SGCZ: variants seen among roughly 807,000 people sequenced by gnomAD.
The protein encoded by SGCZ is zeta-sarcoglycan.
SGCZ carries 40 observed loss-of-function variants against 41.3 expected under a neutral mutation model. That is an observed-to-expected ratio of 0.97 (90% CI 0.75 to 1.26). SGCZ has a LOEUF of 1.26. Ranked by LOEUF, SGCZ falls within the 50% of genes most tolerant of loss-of-function variation. SGCZ has a pLI of 0.00. For synonymous variants in SGCZ, 206 were observed against 137.5 expected (o/e 1.50, Z -3.49); for missense variants, 552 against 369.8 (o/e 1.49, Z -4.04).
chr8:14,711,998 G>A (rs1049925972), intron 1 of SGCZ, among the ~76,000 whole-genome samples: 2 of 152,118 alleles, frequency 1.3e-5, no homozygotes, highest in Admixed American at 6.5e-5. Flanking sequence ...GCCAGGCGTG[G>A]TGGCTCATGC....
At chr8:14,762,059 G>A (rs1024470348) in intron 1 of SGCZ, among the ~76,000 whole-genome samples, 1 of 152,146 alleles carries the variant, frequency 6.6e-6, no homozygotes, top group Non-Finnish European at 1.5e-5. Flanking sequence ...ATAGCAAATT[G>A]AGACAGATGC....
chr8:14,867,993 T>C (rs183836449), intron 1 of SGCZ, among the ~76,000 whole-genome samples: 6 of 151,916 alleles, frequency 3.9e-5, no homozygotes, highest in Admixed American at 2.6e-4. Context: ...ACATGCAAAA[T>C]TCCACATGAT....
chr8:14,682,692 C>G (rs1475216631), intron 1 of SGCZ, among the ~76,000 whole-genome samples: 2 of 152,140 alleles, frequency 1.3e-5, no homozygotes, highest in Non-Finnish European at 2.9e-5. Flanking sequence ...CCTCGGCCTC[C>G]CAAAGTGCTG....
chr8:14,706,698 C>G (rs982667801), intron 1 of SGCZ, among the ~76,000 whole-genome samples: 2 of 151,960 alleles, frequency 1.3e-5, no homozygotes, highest in Non-Finnish European at 2.9e-5. Context: ...CACACTGATG[C>G]GTTAAAATGA....
At chr8:14,525,633 C>T (rs968338160) in intron 2 of SGCZ, among the ~76,000 whole-genome samples, 8 of 152,066 alleles carry the variant, frequency 5.3e-5, no homozygotes, top group South Asian at 2.1e-4. Context: ...GACCTAGTCA[C>T]ATCAAATAAA....
chr8:14,275,744 A>G lies in SGCZ; in HGVS notation c.337-38065T>C, dbSNP rs191494360. Among the ~76,000 whole-genome samples the G allele has an allele frequency of 9.9e-5, 15 of 152,270 alleles. No homozygotes were observed. The East Asian group carries it at 2.7e-3, about 27-fold the overall frequency. On this transcript the variant is annotated intron_variant, in intron 3 of 7. Coordinates refer to ENST00000382080, the MANE Select transcript of SGCZ (RefSeq NM_139167.4). ...CAACTGCTGGAGATCCCTACCGTGC[A>G]GGATCTTTTGTGCAATGGAATCCTT...
intron 4 of SGCZ, among the ~76,000 whole-genome samples, chr8:14,181,185 C>G (rs1804713469): frequency 6.6e-6 from 1 of 152,058 alleles, no homozygotes; most frequent in African/African-American, 2.4e-5. Flanking sequence ...TATGAGGGTC[C>G]CTACTAAATA....
intron 1 of SGCZ, among the ~76,000 whole-genome samples, chr8:15,069,730 CT>C (rs1429865782): frequency 6.6e-6 from 1 of 152,198 alleles, no homozygotes; most frequent in Non-Finnish European, 1.5e-5. Flanking sequence ...ACAGAAAGCA[CT>C]TAATATCCCA....
At chr8:14,449,382 T>C (rs1393556307) in intron 2 of SGCZ, among the ~76,000 whole-genome samples, 1 of 152,120 alleles carries the variant, frequency 6.6e-6, no homozygotes, top group Non-Finnish European at 1.5e-5. Context: ...CACATGACTT[T>C]TCTAGACCTG....
intron 1 of SGCZ, among the ~76,000 whole-genome samples, chr8:14,736,139 C>T (rs1473686033): frequency 6.6e-6 from 1 of 152,004 alleles, no homozygotes; most frequent in African/African-American, 2.4e-5. Context: ...AAATCATGCT[C>T]CCTGCTTGAA....
At chr8:14,718,268 T>A (rs1809761033) in intron 1 of SGCZ, among the ~76,000 whole-genome samples, 1 of 151,946 alleles carries the variant, frequency 6.6e-6, no homozygotes, top group South Asian at 2.1e-4. Flanking sequence ...GTCAGGTAAT[T>A]TTTACAGCAT....
intron 5 of SGCZ, among the ~76,000 whole-genome samples, chr8:14,109,939 A>C (rs1802322623): frequency 6.6e-6 from 1 of 152,186 alleles, no homozygotes; most frequent in Non-Finnish European, 1.5e-5. Flanking sequence ...AATGGGCTTA[A>C]TAGTGTTCTC....
At position 14,612,121 on chromosome 8, in the gene SGCZ, T is replaced by C. The variant is rs1006801569; in HGVS notation, c.40-57195A>G. ...TCTTTCTATGCAAAAGTGAGGCTTT[T>C]CTTTTTTATTTTTTCCTATTATGGG... On this transcript the variant is annotated intron_variant, in intron 1 of 7. Transcript: ENST00000382080. Among the ~76,000 whole-genome samples, 7 of 152,202 alleles carry C rather than the reference T, an allele frequency of 4.6e-5. No individual in the cohort carries two copies. The East Asian group carries it at 5.8e-4, about 13-fold the overall frequency.
At position 14,551,834 on chromosome 8, in the gene SGCZ, A is replaced by C. The variant is rs1190731363; in HGVS notation, c.234+2898T>G. Among the ~76,000 whole-genome samples, 4 of 150,368 alleles carry C rather than the reference A, an allele frequency of 2.7e-5. No individual in the cohort carries two copies. The East Asian group carries it at 8.0e-4, about 30-fold the overall frequency. On this transcript the variant is annotated intron_variant, in intron 2 of 7. Coordinates refer to ENST00000382080, the MANE Select transcript of SGCZ (RefSeq NM_139167.4). The stretch of plus-strand genomic sequence containing the variant: ...AAAAACACAAATTATTTCCAAAAAC[A>C]CAAGGGCATATCAATCATATACATC...
At chr8:15,100,315 A>C (rs1422901440) in intron 1 of SGCZ, among the ~76,000 whole-genome samples, 1 of 152,186 alleles carries the variant, frequency 6.6e-6, no homozygotes, top group Non-Finnish European at 1.5e-5. Context: ...GCACCAAAAA[A>C]ATGTAATTTG....
intron 2 of SGCZ, among the ~76,000 whole-genome samples, chr8:14,546,084 A>C (rs926776910): frequency 6.6e-6 from 1 of 152,182 alleles, no homozygotes; most frequent in Non-Finnish European, 1.5e-5. Flanking sequence ...AATCATGAGG[A>C]GCTGCATACG....
At chr8:15,149,931 C>T (rs774683300) in intron 1 of SGCZ, among the ~76,000 whole-genome samples, 2 of 152,086 alleles carry the variant, frequency 1.3e-5, no homozygotes, top group Non-Finnish European at 2.9e-5. Flanking sequence ...CATGGGAAAC[C>T]ATGCCAAGGA....
chr8:14,725,411 CT>C (rs1810017342), intron 1 of SGCZ, among the ~76,000 whole-genome samples: 1 of 152,118 alleles, frequency 6.6e-6, no homozygotes, highest in African/African-American at 2.4e-5. Flanking sequence ...AACCGTTTTC[CT>C]TATGACTATA....
chr8:14,748,345 A>T (rs149478720), intron 1 of SGCZ, among the ~76,000 whole-genome samples: 349 of 152,254 alleles, frequency 2.3e-3, no homozygotes, highest in African/African-American at 8.0e-3. Flanking sequence ...AAAATTATTT[A>T]CCTAGTGAGG....
Sources: gnomAD v4.1 joint callset for allele counts (sites outside exome capture counted in the v4.1 genomes callset) on GRCh38, gnomAD v4.1.1 for gene constraint, MANE v1.5 for transcripts, NCBI Gene and HGNC (gene_info 2026-07-23, HGNC 2026-07-21) for gene names.